The following SYNPO2 variants were observed in gnomAD, a reference collection of about 807,000 sequenced individuals.
The protein encoded by SYNPO2 is synaptopodin 2.
Under a neutral mutation model 85.0 loss-of-function variants are expected in SYNPO2, and 56 were observed. That is an observed-to-expected ratio of 0.66 (90% CI 0.53 to 0.82). The LOEUF (loss-of-function observed/expected upper bound fraction) is 0.82, where lower values mean the gene tolerates loss of function less well. Ranked by LOEUF, SYNPO2 falls within the 40% of genes least tolerant of loss-of-function variation. The pLI, the probability that SYNPO2 is intolerant of heterozygous loss-of-function variation, is 0.00. For synonymous variants in SYNPO2, 602 were observed against 591.1 expected (o/e 1.02, Z -0.27); for missense variants, 1,575 against 1,534.2 (o/e 1.03, Z -0.44).
At chr4:118,999,496 T>A (rs1184297140) in intron 1 of SYNPO2, among the ~76,000 whole-genome samples, 1 of 152,086 alleles carries the variant, frequency 6.6e-6, no homozygotes, top group Non-Finnish European at 1.5e-5. Flanking sequence ...GTAAAGATAG[T>A]AGAGATAATA....
chr4:118,994,883 T>C (rs1736531713), intron 1 of SYNPO2, among the ~76,000 whole-genome samples: 1 of 152,248 alleles, frequency 6.6e-6, no homozygotes, highest in Admixed American at 6.5e-5. Flanking sequence ...ATTATCTGAA[T>C]AGGAGATAAG....
At chr4:118,880,418 A>G (rs1214659566) in intron 1 of SYNPO2, among the ~76,000 whole-genome samples, 2 of 152,190 alleles carry the variant, frequency 1.3e-5, no homozygotes, top group African/African-American at 4.8e-5. Context: ...GTTCCAAATA[A>G]TCATGATCCA....
intron 1 of SYNPO2, among the ~76,000 whole-genome samples, chr4:118,872,631 C>T (rs546732505): frequency 4.6e-5 from 7 of 152,262 alleles, no homozygotes; most frequent in African/African-American, 1.4e-4. Flanking sequence ...CCAGGCATTA[C>T]TCCTCTTGCT....
chr4:118,907,253 G>C (rs1420692147), intron 1 of SYNPO2, among the ~76,000 whole-genome samples: 1 of 152,098 alleles, frequency 6.6e-6, no homozygotes, highest in African/African-American at 2.4e-5. Context: ...AAACACAATT[G>C]ATCTTTTTAT....
chr4:118,896,974 A>G (rs1732570727), intron 1 of SYNPO2, among the ~76,000 whole-genome samples: 2 of 151,922 alleles, frequency 1.3e-5, no homozygotes, highest in African/African-American at 4.8e-5. Flanking sequence ...AAAAAAAATG[A>G]AGGATGACCT....
chr4:119,058,214 A>G lies in SYNPO2; in HGVS notation c.*280A>G, dbSNP rs888924768. 4.6e-6 allele frequency: 1 copy of G among 218,830 alleles called. No homozygotes were observed. Among genetic ancestry groups the G allele is most frequent in the African/African-American group, 2.3e-5 (1 of 44,048 alleles). 13.6% of individuals were successfully genotyped at this position (218,830 alleles called of 1,614,324 possible). A position where few individuals can be genotyped will look rare whatever the true frequency, so the allele number is the denominator to read the frequency against. The stretch of plus-strand genomic sequence containing the variant: ...TCACTATTTGCATTGATGTGCTGGC[A>G]TTTATATGTAATTCATAATTTTGAT... On this transcript the variant is annotated 3_prime_UTR_variant, in exon 5 of 5. Coordinates refer to ENST00000307142, the MANE Select transcript of SYNPO2 (RefSeq NM_133477.3).
In SYNPO2 at chr4:118,989,981, G is replaced by A. The variant is rs558558825; in HGVS notation, c.106-33449G>A. Among the ~76,000 whole-genome samples, 3 of 152,300 alleles carry A rather than the reference G, an allele frequency of 2.0e-5. No individual in the cohort carries two copies. The South Asian group carries it at 6.2e-4, about 32-fold the overall frequency. On this transcript the variant is annotated intron_variant, in intron 1 of 4. Transcript: ENST00000307142. ...ATGAATACAGAGATGAATATACATG[G>A]CCTCTGCCCCTAAAGGTGAGACATA...
intron 1 of SYNPO2, among the ~76,000 whole-genome samples, chr4:118,957,561 G>A (rs1734923381): frequency 6.6e-6 from 1 of 152,106 alleles, no homozygotes; most frequent in Non-Finnish European, 1.5e-5. Flanking sequence ...TAAATACTCT[G>A]TTCATGGGAT....
chr4:118,930,607 G>T (rs1733892468), intron 1 of SYNPO2, among the ~76,000 whole-genome samples: 2 of 151,874 alleles, frequency 1.3e-5, no homozygotes, highest in African/African-American at 2.4e-5. Context: ...TGGGTGTATT[G>T]CCTCCATTAG....
intron 1 of SYNPO2, among the ~76,000 whole-genome samples, chr4:118,995,260 G>GA (rs1006351577): frequency 4.0e-5 from 6 of 151,888 alleles, no homozygotes; most frequent in Non-Finnish European, 7.4e-5. Flanking sequence ...GTCATTTCTT[G>GA]AAAAAAACAG....
intron 1 of SYNPO2, among the ~76,000 whole-genome samples, chr4:118,890,733 C>CTCTGTGTGTGTGTGTGTG (rs749295331): frequency 1.6e-5 from 2 of 126,150 alleles, no homozygotes; most frequent in African/African-American, 6.0e-5. Flanking sequence ...CTCTCTCTCT[C>CTCTGTGTGTGTGTGTGTG]TGTGTGTGTG....
intron 4 of SYNPO2, among the ~76,000 whole-genome samples, chr4:119,051,969 G>C (rs148764680): frequency 2.6e-5 from 4 of 152,316 alleles, no homozygotes; most frequent in Admixed American, 2.0e-4. Context: ...CTGAAGATGT[G>C]TGTGTTTGGA....
intron 1 of SYNPO2, among the ~76,000 whole-genome samples, chr4:118,987,317 T>G (rs1736254930): frequency 6.6e-6 from 1 of 152,216 alleles, no homozygotes; most frequent in South Asian, 2.1e-4. Context: ...AGAATTTCAC[T>G]TTGATGCAGA....
intron 4 of SYNPO2, among the ~76,000 whole-genome samples, chr4:119,049,653 C>T (rs1311210343): frequency 6.6e-6 from 1 of 152,134 alleles, no homozygotes. Context: ...TCAAGTGTTC[C>T]CTGCCAGTTA....
chr4:119,058,049 A>T lies in SYNPO2; in HGVS notation c.*115A>T. ...TCACTTTTGGTCTTGGCTTGTTCTC[A>T]TAAGTCATTTATCTAAGTTTGTGTT... On this transcript the variant is annotated 3_prime_UTR_variant, in exon 5 of 5. Coordinates refer to ENST00000307142, the MANE Select transcript of SYNPO2 (RefSeq NM_133477.3). The T allele has an allele frequency of 8.6e-7, 1 of 1,158,440 alleles. No homozygotes were observed. The highest frequency in any genetic ancestry group is 1.6e-5 in the South Asian group (1 of 60,796). The allele number at this position is 1,158,440 out of a possible 1,614,324, so 71.8% of individuals were successfully genotyped here.
intron 1 of SYNPO2, among the ~76,000 whole-genome samples, chr4:118,863,726 C>T (rs950857825): frequency 1.3e-5 from 2 of 152,014 alleles, no homozygotes; most frequent in African/African-American, 4.8e-5. Flanking sequence ...ATTCTCCTGC[C>T]TCAGTCTTCC....
intron 1 of SYNPO2, among the ~76,000 whole-genome samples, chr4:118,890,751 G>A (rs1461222505): frequency 7.7e-6 from 1 of 129,780 alleles, no homozygotes; most frequent in Non-Finnish European, 1.8e-5. Flanking sequence ...GTGTGTGTGT[G>A]TGTGTAGGGA....
chr4:118,980,010 G>C (rs1735946291), intron 1 of SYNPO2, among the ~76,000 whole-genome samples: 1 of 152,096 alleles, frequency 6.6e-6, no homozygotes, highest in Admixed American at 6.5e-5. Context: ...GCACTGTAGA[G>C]GAAAAAACTC....
At chr4:118,993,057 A>G (rs900390983) in intron 1 of SYNPO2, among the ~76,000 whole-genome samples, 8 of 152,242 alleles carry the variant, frequency 5.3e-5, no homozygotes, top group South Asian at 2.1e-4. Flanking sequence ...CTGCAAGATA[A>G]TAAGAGTAGA....
Sources: allele counts gnomAD v4.1 joint callset (sites outside exome capture counted in the v4.1 genomes callset), GRCh38; gene constraint gnomAD v4.1.1; transcripts MANE v1.5; gene names NCBI Gene and HGNC (gene_info 2026-07-23, HGNC 2026-07-21).